The following CPNE4 variants were observed in gnomAD, a reference collection of about 807,000 sequenced individuals.
CPNE4 encodes the protein copine-4.
In CPNE4, 25 loss-of-function variants were observed where a neutral mutation model predicts 67.9. The observed-to-expected ratio is 0.37, with a 90% CI of 0.27 to 0.51. CPNE4 has a LOEUF of 0.51. Among genes scored for constraint, CPNE4 ranks in the 20% least tolerant of loss-of-function variants. The pLI is 0.93. For missense variants in CPNE4, 464 were observed against 690.8 expected (o/e 0.67, Z 3.68); for synonymous variants, 242 against 244.9 (o/e 0.99, Z 0.11).
intron 9 of CPNE4, among the ~76,000 whole-genome samples, chr3:131,578,635 T>C (rs1299478041): frequency 4.6e-5 from 7 of 152,154 alleles, no homozygotes; most frequent in Non-Finnish European, 1.0e-4. Context: ...GTAAAAGTTC[T>C]TGAAATTAAA....
intron 1 of CPNE4, among the ~76,000 whole-genome samples, chr3:131,909,721 G>A (rs1319984009): frequency 6.6e-6 from 1 of 152,088 alleles, no homozygotes; most frequent in Non-Finnish European, 1.5e-5. Context: ...TGTGTCAATA[G>A]TTGCCCAAGA....
intron 7 of CPNE4, among the ~76,000 whole-genome samples, chr3:131,615,891 T>TCACACACACACACACACACACA (rs746630965): frequency 9.3e-6 from 1 of 107,762 alleles, no homozygotes; most frequent in African/African-American, 4.6e-5. Flanking sequence ...TCTCTCTCTC[T>TCACACACACACACACACACACA]CACACACACA....
intron 1 of CPNE4, among the ~76,000 whole-genome samples, chr3:132,006,111 A>G (rs2073596848): frequency 6.6e-6 from 1 of 152,108 alleles, no homozygotes; most frequent in South Asian, 2.1e-4. Context: ...TTGTTGTTTT[A>G]TTTACCTGCA....
chr3:131,904,349 A>G (rs912695593), intron 2 of CPNE4, among the ~76,000 whole-genome samples: 3 of 152,048 alleles, frequency 2.0e-5, no homozygotes, highest in African/African-American at 7.2e-5. Context: ...ATCTTTCTCC[A>G]GTCCTCAACC....
intron 1 of CPNE4, among the ~76,000 whole-genome samples, chr3:132,015,338 A>G (rs2073865476): frequency 6.6e-6 from 1 of 152,198 alleles, no homozygotes; most frequent in African/African-American, 2.4e-5. Flanking sequence ...GCTTACAGTG[A>G]GGCTTACATT....
Position 131,596,927 on chromosome 3 carries a change from A to G in CPNE4, c.682-9345T>C, listed in dbSNP as rs546177445. Among the ~76,000 whole-genome samples, 5 of 152,266 alleles carry G rather than the reference A, an allele frequency of 3.3e-5. No homozygotes were observed. In the South Asian group the frequency reaches 1.0e-3, roughly 32 times the overall value. On this transcript the variant is annotated intron_variant, in intron 7 of 15. Transcript: ENST00000429747. ...GTTCTGTTTCTTGGGAGGAACTCTG[A>G]CTGATATAACTTTCTTCACCTCTTC...
At position 131,989,485 on chromosome 3, in the gene CPNE4, A is replaced by C. The variant is rs148745552; in HGVS notation, c.-2+45082T>G. The stretch of plus-strand genomic sequence containing the variant: ...CTTCTTGAGCAGTAACAATGGCCAA[A>C]GAATTGCGCAAGTTTGGGAACCTGT... On this transcript the variant is annotated intron_variant, in intron 1 of 15. Transcript: ENST00000429747. Among the ~76,000 whole-genome samples, 23 of 87,214 alleles carry C rather than the reference A, an allele frequency of 2.6e-4. 8 individuals carry two copies. In the East Asian group the frequency reaches 0.011, roughly 42 times the overall value. The allele number at this position is 87,214 out of a possible 152,430, so 57.2% of individuals were successfully genotyped here.
At chr3:131,628,598 A>T (rs2079138698) in intron 7 of CPNE4, among the ~76,000 whole-genome samples, 1 of 152,180 alleles carries the variant, frequency 6.6e-6, no homozygotes, top group Admixed American at 6.5e-5. Flanking sequence ...CTATTCAGGG[A>T]TTCAACTTCT....
At chr3:131,559,623 T>C (rs778438697) in intron 11 of CPNE4, among the ~76,000 whole-genome samples, 32 of 152,160 alleles carry the variant, frequency 2.1e-4, no homozygotes, top group Non-Finnish European at 4.0e-4. Flanking sequence ...AAGTTTTAAA[T>C]TTATAATTTT....
rs190857599 is a variant in CPNE4 at position 131,799,397 on chromosome 3, G to T, written c.181-75772C>A. Among the ~76,000 whole-genome samples, 247 of 152,168 alleles carry T rather than the reference G, an allele frequency of 1.6e-3. 1 individual carries two copies. Among genetic ancestry groups the T allele is most frequent in the Non-Finnish European group, 2.8e-3 (190 of 67,994 alleles). On this transcript the variant is annotated intron_variant, in intron 2 of 15. Transcript: ENST00000429747. ...TCCTCCTTCACGGGCCTGCAAGAGT[G>T]TATTTCATTTCATCTCACTGAGCCT...
chr3:131,791,547 T>C (rs2083719148), intron 2 of CPNE4, among the ~76,000 whole-genome samples: 2 of 152,200 alleles, frequency 1.3e-5, no homozygotes, highest in Admixed American at 1.3e-4. Context: ...CCACAGGGTT[T>C]ACTGTCATTA....
In CPNE4 at chr3:131,696,472, G is replaced by C. The variant is rs2081160509; in HGVS notation, c.507+70C>G. ...GGTGGAAAGGGAAAAATAGTTGCAG[G>C]GGGAAATCTGATTAAACTGTGTGCT... is the stretch of plus-strand genomic sequence containing the variant. On this transcript the variant is annotated intron_variant, in intron 5 of 15. Transcript: ENST00000429747. 2.1e-6 allele frequency: 3 copies of C among 1,413,356 alleles called. No homozygotes were observed. The African/African-American group carries it at 4.3e-5, about 20-fold the overall frequency. The allele number at this position is 1,413,356 out of a possible 1,614,324, so 87.6% of individuals were successfully genotyped here. A position where few individuals can be genotyped will look rare whatever the true frequency, so the allele number is the denominator to read the frequency against.
intron 1 of CPNE4, among the ~76,000 whole-genome samples, chr3:131,950,836 T>G (rs1028986447): frequency 6.6e-6 from 1 of 152,246 alleles, no homozygotes; most frequent in African/African-American, 2.4e-5. Context: ...ACTTTTGGTA[T>G]TACTATTTTT....
At chr3:131,564,905 T>C (rs1027364473) in intron 10 of CPNE4, among the ~76,000 whole-genome samples, 8 of 152,172 alleles carry the variant, frequency 5.3e-5, no homozygotes, top group African/African-American at 1.9e-4. Flanking sequence ...TTCAATATTT[T>C]GGTTCTCGTT....
At chr3:131,847,222 T>TCATATGTG (rs2086036455) in intron 2 of CPNE4, among the ~76,000 whole-genome samples, 1 of 152,180 alleles carries the variant, frequency 6.6e-6, no homozygotes, top group Non-Finnish European at 1.5e-5. Flanking sequence ...GTCCACTTGC[T>TCATATGTG]CATATGTGCT....
intron 11 of CPNE4, among the ~76,000 whole-genome samples, chr3:131,562,083 A>ACAAT (rs1158336610): frequency 2.0e-5 from 3 of 152,064 alleles, no homozygotes. Flanking sequence ...AAATTTTAAA[A>ACAAT]CAATCACTTA....
intron 2 of CPNE4, among the ~76,000 whole-genome samples, chr3:131,754,184 A>G (rs1355208792): frequency 6.6e-6 from 1 of 152,186 alleles, no homozygotes; most frequent in African/African-American, 2.4e-5. Context: ...ATAAGAAATG[A>G]TAGGCACTGT....
intron 7 of CPNE4, 140 bp from the exon 8 acceptor site, chr3:131,587,722 T>C: frequency 1.6e-6 from 1 of 636,912 alleles, no homozygotes; most frequent in Non-Finnish European, 2.7e-6. Flanking sequence ...GATTGGAGCA[T>C]ATGGGATGTA....
At chr3:132,013,318 TTTG>T (rs150489323) in intron 1 of CPNE4, among the ~76,000 whole-genome samples, 3,790 of 152,288 alleles carry the variant, frequency 0.025, 160 homozygotes, top group African/African-American at 0.086. Context: ...TTATTTTGTT[TTTG>T]TTGTTGTTGT....
Sources: gnomAD v4.1 joint callset for allele counts (sites outside exome capture counted in the v4.1 genomes callset) on GRCh38, gnomAD v4.1.1 for gene constraint, MANE v1.5 for transcripts, NCBI Gene and HGNC (gene_info 2026-07-23, HGNC 2026-07-21) for gene names.